Variants in EMSY observed in about 807,000 individuals in gnomAD.
EMSY encodes BRCA2-interacting transcriptional repressor EMSY.
A neutral mutation model predicts 134.6 loss-of-function variants in EMSY; 26 were observed. The observed-to-expected ratio is 0.19, with a 90% CI of 0.14 to 0.27. The LOEUF (loss-of-function observed/expected upper bound fraction) is 0.27, where lower values mean the gene tolerates loss of function less well. Ranked by LOEUF, EMSY falls within the 10% of genes least tolerant of loss-of-function variation. The pLI, the probability that EMSY is intolerant of heterozygous loss-of-function variation, is 1.00. For synonymous variants in EMSY, 579 were observed against 577.8 expected, an observed-to-expected ratio of 1.00 and a Z score of -0.03; for missense variants, 1,305 against 1,611.4, an observed-to-expected ratio of 0.81 and a Z score of 3.26.
chr11:76,533,794 T>A (rs1267912686), intron 14 of EMSY, among the ~76,000 whole-genome samples: 1 of 152,156 alleles, frequency 6.6e-6, no homozygotes, highest in Non-Finnish European at 1.5e-5. Context: ...ATGCAGGAAG[T>A]CTAGATGAAC....
chr11:76,551,072 T>C (rs1474082956), exon 21 of EMSY: 2 of 152,828 alleles, frequency 1.3e-5, no homozygotes, highest in South Asian at 2.1e-4. Flanking sequence ...CACATTGGAC[T>C]GAGACTTTGA....
chr11:76,490,887 CAT>C (rs1949393470), intron 8 of EMSY, among the ~76,000 whole-genome samples: 2 of 151,922 alleles, frequency 1.3e-5, no homozygotes, highest in Middle Eastern at 3.4e-3. Context: ...TGTGTAAACA[CAT>C]GTACATCTGT....
intron 11 of EMSY, among the ~76,000 whole-genome samples, chr11:76,518,726 A>G (rs950787321): frequency 4.9e-5 from 6 of 122,364 alleles, no homozygotes; most frequent in African/African-American, 8.7e-5. Flanking sequence ...TTGGGATCTA[A>G]TATAGTCAGA....
At position 76,496,111 on chromosome 11, in the gene EMSY, G is replaced by A; in HGVS notation, c.1109-104G>A. ...AGGTGCTCAATAAATTGTACTTTTT[G>A]TTGATTTCCCTATTCTTTAAACTAT... is the stretch of plus-strand genomic sequence containing the variant. On this transcript the variant is annotated intron_variant, in intron 8 of 20. Transcript: ENST00000334736. The A allele has an allele frequency of 3.9e-6, 5 of 1,279,808 alleles. No homozygotes were observed. In the South Asian group the frequency reaches 7.7e-5, roughly 20 times the overall value. 79.3% of individuals were successfully genotyped at this position (1,279,808 alleles called of 1,614,324 possible).
At chr11:76,514,870 A>G (rs1950393727) in intron 10 of EMSY, among the ~76,000 whole-genome samples, 1 of 152,142 alleles carries the variant, frequency 6.6e-6, no homozygotes, top group Non-Finnish European at 1.5e-5. Context: ...AACTTTTCTA[A>G]ATAGATAACA....
intron 13 of EMSY, among the ~76,000 whole-genome samples, chr11:76,526,982 A>C (rs1950867206): frequency 6.6e-6 from 1 of 152,188 alleles, no homozygotes; most frequent in Non-Finnish European, 1.5e-5. Context: ...TACTTTTTAT[A>C]AGCTACCATG....
chr11:76,529,068 T>C (rs1950945040), intron 14 of EMSY, among the ~76,000 whole-genome samples: 1 of 151,822 alleles, frequency 6.6e-6, no homozygotes, highest in African/African-American at 2.4e-5. Context: ...CAGAAAACTC[T>C]TTGTCCTCGG....
At chr11:76,505,124 A>G (rs1008387066) in intron 9 of EMSY, among the ~76,000 whole-genome samples, 1 of 152,226 alleles carries the variant, frequency 6.6e-6, no homozygotes, top group African/African-American at 2.4e-5. Flanking sequence ...AAATAACATT[A>G]CATTGTACAT....
At chr11:76,458,589 A>C (rs1947972571) in intron 5 of EMSY, 1 of 371,938 alleles carries the variant, frequency 2.7e-6, no homozygotes, top group Admixed American at 4.5e-5. Context: ...AAATTGCAAA[A>C]ACCTCGGAAT....
At chr11:76,476,013 T>C (rs1365127207) in intron 8 of EMSY, among the ~76,000 whole-genome samples, 3 of 152,262 alleles carry the variant, frequency 2.0e-5, no homozygotes, top group Admixed American at 2.0e-4. Context: ...TCTTTTGTCC[T>C]TGCAACTTAC....
chr11:76,447,045 A>G (rs955352479), intron 2 of EMSY, 37 bp downstream of exon 2: 1 of 1,599,636 alleles, frequency 6.3e-7, no homozygotes, highest in African/African-American at 1.3e-5. Flanking sequence ...CCTCTCTCTG[A>G]TACCTTTTTT....
At chr11:76,463,751 T>C in intron 6 of EMSY, 70 bp from the exon 8 acceptor site, 1 of 1,517,990 alleles carries the variant, frequency 6.6e-7, no homozygotes, top group Non-Finnish European at 8.9e-7. Context: ...GATATAAAGA[T>C]TTTAAAAATA....
At chr11:76,522,039 A>G (rs1950657053) in intron 11 of EMSY, among the ~76,000 whole-genome samples, 1 of 152,150 alleles carries the variant, frequency 6.6e-6, no homozygotes, top group Non-Finnish European at 1.5e-5. Flanking sequence ...AAATAAATAA[A>G]TAAAAATAAA....
chr11:76,537,641 C>T (rs919064147), intron 15 of EMSY, among the ~76,000 whole-genome samples, 154 bp from the exon 17 acceptor site: 2 of 152,252 alleles, frequency 1.3e-5, no homozygotes, highest in African/African-American at 4.8e-5. Context: ...AACAGCCATA[C>T]ATAGCAATCT....
chr11:76,449,880 C>A (rs1366839734), intron 2 of EMSY, among the ~76,000 whole-genome samples: 3 of 152,084 alleles, frequency 2.0e-5, no homozygotes, highest in African/African-American at 7.2e-5. Flanking sequence ...CTCCATGATA[C>A]CTTGTAGCAG....
At chr11:76,552,902 T>C (rs773671032), downstream of EMSY, 5 of 152,232 alleles carry the variant, frequency 3.3e-5, no homozygotes, top group African/African-American at 1.2e-4. Context: ...TTATATAATA[T>C]GTGGTCTTTT....
chr11:76,472,515 A>G (rs372898057), intron 7 of EMSY, 49 bp from the exon 9 acceptor site: 46 of 1,518,096 alleles, frequency 3.0e-5, no homozygotes, highest in Non-Finnish European at 3.4e-5. Flanking sequence ...GTCTAGATAC[A>G]TTAGTAGTTT....
At chr11:76,462,668 G>T (rs1184902670) in intron 6 of EMSY, among the ~76,000 whole-genome samples, 2 of 152,206 alleles carry the variant, frequency 1.3e-5, no homozygotes, top group Non-Finnish European at 1.5e-5. Flanking sequence ...ATAGTATATG[G>T]ATACTCAGAG....
Position 76,526,718 on chromosome 11 carries a change from AG to A in EMSY, c.1995+84del, listed in dbSNP as rs540549222. The A allele has an allele frequency of 2.6e-5, 34 of 1,299,868 alleles. No individual in the cohort carries two copies. The African/African-American group carries it at 4.2e-4, about 16-fold the overall frequency. The allele number at this position is 1,299,868 out of a possible 1,614,324, so 80.5% of individuals were successfully genotyped here. A position where few individuals can be genotyped will look rare whatever the true frequency, so the allele number is the denominator to read the frequency against. ...TTCCCGGGTAGAAATTTGAAGGAAAAGATCAGCAATCTTTAAGAAATCAGAT... is the reference window on the plus strand; with the variant it reads ...TTCCCGGGTAGAAATTTGAAGGAAAAATCAGCAATCTTTAAGAAATCAGAT... On this transcript the variant is annotated intron_variant, in intron 13 of 20. Transcript: ENST00000334736.
Sources: gnomAD v4.1 joint callset for allele counts (sites outside exome capture counted in the v4.1 genomes callset) on GRCh38, gnomAD v4.1.1 for gene constraint, MANE v1.5 for transcripts, NCBI Gene and HGNC (gene_info 2026-07-23, HGNC 2026-07-21) for gene names.